Variants in APBB2 observed in about 807,000 individuals in gnomAD.
The protein encoded by APBB2 is Fe65-like 1.
Under a neutral mutation model 82.5 loss-of-function variants are expected in APBB2, and 38 were observed. That is an observed-to-expected ratio of 0.46 (90% CI 0.36 to 0.60). The LOEUF (loss-of-function observed/expected upper bound fraction) is 0.60, where lower values mean the gene tolerates loss of function less well. APBB2 is among the 20% of genes least tolerant of loss of function. The pLI, the probability that APBB2 is intolerant of heterozygous loss-of-function variation, is 0.00. For missense variants in APBB2, 772 were observed against 972.3 expected, an observed-to-expected ratio of 0.79 and a Z score of 2.74; for synonymous variants, 341 against 368.2, an observed-to-expected ratio of 0.93 and a Z score of 0.85.
chr4:40,959,092 T>C (rs1462839864), intron 6 of APBB2, among the ~76,000 whole-genome samples: 1 of 152,208 alleles, frequency 6.6e-6, no homozygotes, highest in Non-Finnish European at 1.5e-5. Context: ...TAGTCACTCG[T>C]CCTAACCACA....
intron 2 of APBB2, among the ~76,000 whole-genome samples, chr4:41,112,906 G>A (rs1749708394): frequency 2.6e-5 from 4 of 152,050 alleles, no homozygotes; most frequent in African/African-American, 9.7e-5. Context: ...AGAACTGCTT[G>A]AATCCAGGAG....
intron 1 of APBB2, among the ~76,000 whole-genome samples, chr4:41,166,274 G>A (rs1460735377): frequency 3.3e-5 from 5 of 152,108 alleles, no homozygotes; most frequent in South Asian, 2.1e-4. Flanking sequence ...GGTAGCTCAC[G>A]CCTGTAATCC....
At position 41,065,439 on chromosome 4, in the gene APBB2, T is replaced by C. The variant is rs755762612; in HGVS notation, c.-51+137A>G. 13 of 152,228 alleles carry C rather than the reference T, an allele frequency of 8.5e-5. 1 individual carries two copies. Among genetic ancestry groups the C allele is most frequent in the Admixed American group, 2.0e-4 (3 of 15,288 alleles). The allele number at this position is 152,228 out of a possible 1,614,324, so 9.4% of individuals were successfully genotyped here. The stretch of plus-strand genomic sequence containing the variant: ...ACCATGCAATATTTAAAACTTACCC[T>C]AGAGCAATCCATTCTCTTGTATTTC... On this transcript the variant is annotated intron_variant, in intron 4 of 17. Coordinates refer to ENST00000508593, the MANE Select transcript of APBB2 (RefSeq NM_004307.2).
intron 1 of APBB2, among the ~76,000 whole-genome samples, chr4:41,169,054 G>A (rs1370217235): frequency 2.6e-5 from 4 of 151,954 alleles, no homozygotes; most frequent in South Asian, 4.2e-4. Context: ...GCATGGTGGC[G>A]CACACCTACA....
intron 12 of APBB2, among the ~76,000 whole-genome samples, chr4:40,854,923 T>C (rs1577991530): frequency 6.6e-6 from 1 of 152,170 alleles, no homozygotes; most frequent in African/African-American, 2.4e-5. Context: ...AATTACCCCA[T>C]TGAAATCAAC....
At chr4:41,016,984 C>G (rs1396953214) in intron 5 of APBB2, among the ~76,000 whole-genome samples, 1 of 152,078 alleles carries the variant, frequency 6.6e-6, no homozygotes, top group Admixed American at 6.6e-5. Context: ...GCAGCCTCAA[C>G]CTCCTAGGCT....
chr4:40,934,950 CT>C, intron 8 of APBB2, 126 bp downstream of exon 8: 1 of 836,386 alleles, frequency 1.2e-6, no homozygotes, highest in Admixed American at 2.7e-5. Flanking sequence ...CTGAATGCCC[CT>C]AGCAAGAAGC....
At chr4:41,044,168 G>A (rs142226655) in intron 4 of APBB2, among the ~76,000 whole-genome samples, 2 of 152,130 alleles carry the variant, frequency 1.3e-5, no homozygotes, top group Admixed American at 6.5e-5. Flanking sequence ...TTTAGGAGAT[G>A]CTTTCCTTCA....
intron 12 of APBB2, among the ~76,000 whole-genome samples, chr4:40,855,735 CA>C (rs33994756): frequency 0.4 from 57,818 of 145,920 alleles, 11,744 homozygotes; most frequent in Non-Finnish European, 0.47. Flanking sequence ...GACTCTGTCT[CA>C]AAAAAAAAAA....
chr4:41,023,903 A>G (rs1030553189), intron 5 of APBB2, among the ~76,000 whole-genome samples: 3 of 152,240 alleles, frequency 2.0e-5, no homozygotes, highest in African/African-American at 7.2e-5. Context: ...ACAAAGCTGG[A>G]AGCCTCATGT....
chr4:41,208,558 G>A (rs781538745), intron 1 of APBB2, among the ~76,000 whole-genome samples: 1 of 151,994 alleles, frequency 6.6e-6, no homozygotes, highest in Admixed American at 6.6e-5. Context: ...CACTGCTCCC[G>A]GTTTCTGCAT....
At chr4:41,122,746 T>C (rs903277944) in intron 2 of APBB2, among the ~76,000 whole-genome samples, 1 of 152,210 alleles carries the variant, frequency 6.6e-6, no homozygotes, top group African/African-American at 2.4e-5. Flanking sequence ...ATTTCAGTGA[T>C]TTTTTTAAAA....
chr4:40,878,936 T>C (rs988395862), intron 12 of APBB2, among the ~76,000 whole-genome samples: 2 of 152,172 alleles, frequency 1.3e-5, no homozygotes, highest in African/African-American at 4.8e-5. Flanking sequence ...CTCTTGGAAA[T>C]TGGGTTCTTG....
intron 1 of APBB2, among the ~76,000 whole-genome samples, chr4:41,204,127 C>A (rs1215733219): frequency 7.9e-5 from 12 of 152,178 alleles, no homozygotes; most frequent in Admixed American, 7.9e-4. Context: ...CAGGCAATGG[C>A]AACAGGGGAT....
chr4:40,878,583 C>T lies in APBB2; in HGVS notation c.1529+11781G>A, dbSNP rs182323697. On this transcript the variant is annotated intron_variant, in intron 12 of 17. Coordinates refer to ENST00000508593, the MANE Select transcript of APBB2 (RefSeq NM_004307.2). ...AACTGTGCCCCCTAACTCATCCTCT[C>T]CCGCCTCAGGACTTTCAAATGTTTC... Among the ~76,000 whole-genome samples the T allele has an allele frequency of 6.4e-3, 974 of 152,250 alleles. 10 individuals carry two copies. Among genetic ancestry groups the T allele is most frequent in the Non-Finnish European group, 0.011 (749 of 68,018 alleles).
chr4:41,003,325 C>T lies in APBB2; in HGVS notation c.835+10258G>A, dbSNP rs114038969. On this transcript the variant is annotated intron_variant, in intron 6 of 17. Coordinates refer to ENST00000508593, the MANE Select transcript of APBB2 (RefSeq NM_004307.2). The stretch of plus-strand genomic sequence containing the variant: ...GACCTGCAACTATGAGCTTTCCTTC[C>T]TGAAAATTTTGAATATAATTCTCGC... Among the ~76,000 whole-genome samples the T allele has an allele frequency of 8.4e-3, 1,272 of 152,220 alleles. 21 individuals carry two copies. Among genetic ancestry groups the T allele is most frequent in the African/African-American group, 0.028 (1,155 of 41,538 alleles).
chr4:41,183,379 C>T (rs1771969599), intron 1 of APBB2, among the ~76,000 whole-genome samples: 1 of 152,134 alleles, frequency 6.6e-6, no homozygotes, highest in Admixed American at 6.5e-5. Flanking sequence ...AACTGTGTCC[C>T]TCAAAAATTC....
At chr4:40,907,348 CATATATAT>C (rs56302731) in intron 10 of APBB2, among the ~76,000 whole-genome samples, 36 of 97,322 alleles carry the variant, frequency 3.7e-4, no homozygotes, top group Non-Finnish European at 4.8e-4. Context: ...TAATATATTA[CATATATAT>C]ATATATATAT....
intron 1 of APBB2, among the ~76,000 whole-genome samples, chr4:41,194,375 T>C: frequency 6.6e-6 from 1 of 152,304 alleles, no homozygotes; most frequent in East Asian, 1.9e-4. Flanking sequence ...GATATCAGTA[T>C]AGATAAAATA....
Sources: allele counts gnomAD v4.1 joint callset (sites outside exome capture counted in the v4.1 genomes callset), GRCh38; gene constraint gnomAD v4.1.1; transcripts MANE v1.5; gene names NCBI Gene and HGNC (gene_info 2026-07-23, HGNC 2026-07-21).